COLEC10: variants seen among roughly 807,000 people sequenced by gnomAD.
COLEC10 encodes the protein collectin subfamily member 10, also known as collectin-10.
COLEC10 carries 22 observed loss-of-function variants against 28.4 expected under a neutral mutation model. The observed-to-expected ratio is 0.78, with a 90% CI of 0.55 to 1.11. The LOEUF (loss-of-function observed/expected upper bound fraction) is 1.11. COLEC10 is among the 50% of genes least tolerant of loss of function. The pLI, the probability that COLEC10 is intolerant of heterozygous loss-of-function variation, is 0.00. For missense variants in COLEC10, 361 were observed against 344.1 expected (o/e 1.05, Z -0.39); for synonymous variants, 125 against 116.1 (o/e 1.08, Z -0.49).
At chr8:119,038,852 T>C (rs1481954787) in intron 2 of COLEC10, among the ~76,000 whole-genome samples, 1 of 152,138 alleles carries the variant, frequency 6.6e-6, no homozygotes, top group Non-Finnish European at 1.5e-5. Flanking sequence ...CCCCCTCTAA[T>C]GCCTCTCTCT....
At chr8:118,978,214 G>A in the COLEC10 span, among the ~76,000 whole-genome samples, 1 of 151,992 alleles carries the variant, frequency 6.6e-6, no homozygotes, top group South Asian at 2.1e-4. Flanking sequence ...AGTATTTCAA[G>A]GGAAGTCGCA....
chr8:119,010,852 C>A (rs910140814), intron 2 of COLEC10, among the ~76,000 whole-genome samples: 1 of 150,982 alleles, frequency 6.6e-6, no homozygotes, highest in Non-Finnish European at 1.5e-5. Context: ...GGGTTGTTAG[C>A]TTTCTTATTG....
chr8:119,065,060 A>G (rs1039818525), upstream of COLEC10, among the ~76,000 whole-genome samples: 5 of 152,170 alleles, frequency 3.3e-5, no homozygotes, highest in African/African-American at 7.2e-5. Flanking sequence ...GATGTATTCA[A>G]TTGTGTTCCT....
upstream of COLEC10, among the ~76,000 whole-genome samples, chr8:119,062,293 G>T (rs911563831): frequency 6.6e-6 from 1 of 152,020 alleles, no homozygotes; most frequent in Non-Finnish European, 1.5e-5. Flanking sequence ...CAGAGTATCA[G>T]TGTGTTACTC....
chr8:119,053,617 T>G (rs1814712710), intron 2 of COLEC10, among the ~76,000 whole-genome samples: 1 of 151,486 alleles, frequency 6.6e-6, no homozygotes, highest in African/African-American at 2.4e-5. Context: ...TCTTCTAAAG[T>G]CCATTCTCCA....
chr8:119,006,625 C>T (rs758947955), intron 1 of COLEC10, among the ~76,000 whole-genome samples: 2 of 151,988 alleles, frequency 1.3e-5, no homozygotes, highest in Non-Finnish European at 2.9e-5. Context: ...CTTTCTGGAT[C>T]CTGGGCCCTG....
the COLEC10 span, among the ~76,000 whole-genome samples, chr8:118,989,152 G>A: frequency 1.3e-5 from 2 of 152,110 alleles, no homozygotes; most frequent in Non-Finnish European, 2.9e-5. Flanking sequence ...TGTAAGCAGA[G>A]AGATATTCTA....
intron 2 of COLEC10, among the ~76,000 whole-genome samples, chr8:119,018,009 G>T (rs1814024938): frequency 6.6e-6 from 1 of 152,116 alleles, no homozygotes; most frequent in Non-Finnish European, 1.5e-5. Context: ...TAGCCATCGG[G>T]AATTTTCAAA....
intron 2 of COLEC10, among the ~76,000 whole-genome samples, chr8:119,038,897 T>A (rs1814438075): frequency 6.6e-6 from 1 of 152,078 alleles, no homozygotes. Flanking sequence ...CACATTAGCC[T>A]TTTTTTGAAA....
intron 1 of COLEC10, among the ~76,000 whole-genome samples, chr8:119,076,163 G>A (rs1422310628): frequency 4.7e-5 from 7 of 147,966 alleles, no homozygotes; most frequent in East Asian, 2.0e-4. Flanking sequence ...CGCCTGCCTC[G>A]GCCTCCCAAA....
At chr8:119,015,344 G>A (rs1813972277) in intron 2 of COLEC10, among the ~76,000 whole-genome samples, 2 of 151,012 alleles carry the variant, frequency 1.3e-5, no homozygotes, top group Non-Finnish European at 2.9e-5. Context: ...AGGATGGCTG[G>A]TGTGGGCTGG....
intron 3 of COLEC10, among the ~76,000 whole-genome samples, chr8:119,099,150 A>G (rs1815775095): frequency 6.6e-6 from 1 of 152,044 alleles, no homozygotes; most frequent in Non-Finnish European, 1.5e-5. Context: ...GTTTGTTTGA[A>G]TGTGACCTCT....
chr8:119,064,140 T>C (rs1376008940), upstream of COLEC10, among the ~76,000 whole-genome samples: 4 of 152,196 alleles, frequency 2.6e-5, no homozygotes, highest in Admixed American at 2.0e-4. Context: ...GACAATATAC[T>C]TAACATAATT....
At chr8:119,002,818 C>A (rs1395568991) in intron 1 of COLEC10, among the ~76,000 whole-genome samples, 1 of 152,124 alleles carries the variant, frequency 6.6e-6, no homozygotes, top group African/African-American at 2.4e-5. Context: ...AAAGGTATTA[C>A]CTGCATAGCA....
At chr8:119,069,694 A>G (rs1437039876) in intron 1 of COLEC10, among the ~76,000 whole-genome samples, 1 of 137,872 alleles carries the variant, frequency 7.3e-6, no homozygotes, top group Non-Finnish European at 1.5e-5. Flanking sequence ...TTGTTCCTTC[A>G]TGAATACTGT....
intron 1 of COLEC10, among the ~76,000 whole-genome samples, chr8:119,077,243 AT>A (rs762180766): frequency 0.023 from 2,053 of 90,138 alleles, 13 homozygotes; most frequent in African/African-American, 0.033. Context: ...GTAGAGAATG[AT>A]TTTTTTTTTT....
chr8:118,960,573 G>A, the COLEC10 span, among the ~76,000 whole-genome samples: 10 of 151,752 alleles, frequency 6.6e-5, no homozygotes, highest in East Asian at 1.9e-4. Context: ...TCACGAGGTC[G>A]AGAGATCGAG....
chr8:118,999,960 G>T (rs900187237), intron 1 of COLEC10, among the ~76,000 whole-genome samples: 3 of 152,058 alleles, frequency 2.0e-5, no homozygotes, highest in African/African-American at 7.2e-5. Context: ...GAGGCATGGG[G>T]TATTTTTAAA....
upstream of COLEC10, among the ~76,000 whole-genome samples, chr8:119,064,530 C>T (rs1814917532): frequency 6.6e-6 from 1 of 152,130 alleles, no homozygotes; most frequent in Non-Finnish European, 1.5e-5. Flanking sequence ...ATATGAAGTC[C>T]AAACTCATTT....
Sources: allele counts gnomAD v4.1 joint callset (sites outside exome capture counted in the v4.1 genomes callset), GRCh38; gene constraint gnomAD v4.1.1; transcripts MANE v1.5; gene names NCBI Gene and HGNC (gene_info 2026-07-23, HGNC 2026-07-21).